Variants in TOX observed in about 807,000 individuals in gnomAD.
TOX encodes thymocyte selection-associated high mobility group box protein TOX.
Under a neutral mutation model 53.7 loss-of-function variants are expected in TOX, and 11 were observed. That is an observed-to-expected ratio of 0.20 (90% CI 0.13 to 0.34). The LOEUF is 0.34. Ranked by LOEUF, TOX falls within the 10% of genes least tolerant of loss-of-function variation. The pLI is 1.00. For synonymous variants in TOX, 225 were observed against 245.3 expected (o/e 0.92, Z 0.77); for missense variants, 570 against 664.6 (o/e 0.86, Z 1.56).
intron 2 of TOX, among the ~76,000 whole-genome samples, chr8:58,952,408 G>T (rs1812635939): frequency 6.6e-6 from 1 of 152,176 alleles, no homozygotes; most frequent in Admixed American, 6.5e-5. Flanking sequence ...TACCAGAAAA[G>T]AATACAACAT....
chr8:58,810,939 A>G (rs182264618), intron 7 of TOX, among the ~76,000 whole-genome samples: 1 of 152,188 alleles, frequency 6.6e-6, no homozygotes, highest in Non-Finnish European at 1.5e-5. Flanking sequence ...TAAATGAGTG[A>G]CTTCAGTTTA....
intron 3 of TOX, among the ~76,000 whole-genome samples, chr8:58,934,671 T>G (rs1205048126): frequency 1.3e-5 from 2 of 152,200 alleles, no homozygotes; most frequent in African/African-American, 4.8e-5. Context: ...ATTGCAGTCT[T>G]TTTTGACAGA....
At chr8:58,812,716 G>A (rs1027732499) in intron 7 of TOX, among the ~76,000 whole-genome samples, 2 of 152,126 alleles carry the variant, frequency 1.3e-5, no homozygotes, top group African/African-American at 4.8e-5. Flanking sequence ...CGGGGCAGGG[G>A]TCTCATGACT....
chr8:58,899,392 C>A (rs1811698496), intron 3 of TOX, among the ~76,000 whole-genome samples: 1 of 152,150 alleles, frequency 6.6e-6, no homozygotes, highest in South Asian at 2.1e-4. Flanking sequence ...GATATAAATT[C>A]TCTCTCTTTT....
chr8:58,867,498 C>G (rs543359774), intron 3 of TOX, among the ~76,000 whole-genome samples: 1 of 152,182 alleles, frequency 6.6e-6, no homozygotes, highest in Non-Finnish European at 1.5e-5. Context: ...AAGAGGCTTT[C>G]CCGGACAAGC....
intron 1 of TOX, among the ~76,000 whole-genome samples, chr8:59,027,993 T>A (rs1814276912): frequency 6.6e-6 from 1 of 152,126 alleles, no homozygotes; most frequent in Non-Finnish European, 1.5e-5. Context: ...AACTCTGTGT[T>A]CAAAGAAGAA....
rs574806220 is a variant in TOX at position 58,871,760 on chromosome 8, G to A, written c.412-19955C>T. Among the ~76,000 whole-genome samples, 11 of 152,228 alleles carry A rather than the reference G, an allele frequency of 7.2e-5. No individual in the cohort carries two copies. In the East Asian group the frequency reaches 1.9e-3, roughly 27 times the overall value. ...TGGTGGGTTACAGCAAGAGAAGGAG[G>A]CTATGCAGCAATGGACTGGAGTTGA... On this transcript the variant is annotated intron_variant, in intron 3 of 8. Coordinates refer to ENST00000361421, the MANE Select transcript of TOX (RefSeq NM_014729.3).
At chr8:59,071,403 C>A (rs1804195325) in intron 1 of TOX, among the ~76,000 whole-genome samples, 1 of 152,208 alleles carries the variant, frequency 6.6e-6, no homozygotes, top group African/African-American at 2.4e-5. Flanking sequence ...CCTCACTGGA[C>A]ACTAGTCCTC....
intron 1 of TOX, among the ~76,000 whole-genome samples, chr8:59,098,196 G>A (rs577153896): frequency 8.5e-5 from 13 of 152,262 alleles, no homozygotes; most frequent in African/African-American, 2.9e-4. Flanking sequence ...GAGAGTGAAC[G>A]CCAGAACAGT....
chr8:58,886,700 T>C (rs1811474154), intron 3 of TOX, among the ~76,000 whole-genome samples: 1 of 152,100 alleles, frequency 6.6e-6, no homozygotes, highest in South Asian at 2.1e-4. Flanking sequence ...CCCTATTGTT[T>C]GCAGGTTTAT....
At chr8:59,076,850 T>C (rs1804301600) in intron 1 of TOX, among the ~76,000 whole-genome samples, 1 of 152,226 alleles carries the variant, frequency 6.6e-6, no homozygotes, top group African/African-American at 2.4e-5. Flanking sequence ...GTATCCCATA[T>C]GATCTCTCTT....
rs972821813 is a variant in TOX at position 58,833,742 on chromosome 8, T to C, written c.924+4339A>G. On this transcript the variant is annotated intron_variant, in intron 5 of 8. Coordinates refer to ENST00000361421, the MANE Select transcript of TOX (RefSeq NM_014729.3). Reference sequence around the variant, plus strand: ...TCCATTGTCTTACGAGTCATTAGCATTTAAAACCCCCGGTTGGAATCCCAA... The same window carrying C: ...TCCATTGTCTTACGAGTCATTAGCACTTAAAACCCCCGGTTGGAATCCCAA... Among the ~76,000 whole-genome samples the C allele has an allele frequency of 3.9e-5, 6 of 152,200 alleles. No homozygotes were observed. The South Asian group carries it at 6.2e-4, about 16-fold the overall frequency.
At chr8:59,057,176 A>C (rs1246815312) in intron 1 of TOX, among the ~76,000 whole-genome samples, 1 of 152,204 alleles carries the variant, frequency 6.6e-6, no homozygotes, top group African/African-American at 2.4e-5. Flanking sequence ...GACATTAACT[A>C]GTAAATTTAT....
rs1416634293 is a variant in TOX at position 59,009,053 on chromosome 8, CCTT to C, written c.103-49048_103-49046del. 2.6e-5 allele frequency among the ~76,000 whole-genome samples: 4 copies of C among 151,952 alleles called. No homozygotes were observed. In the East Asian group the frequency reaches 7.7e-4, roughly 29 times the overall value. On this transcript the variant is annotated intron_variant, in intron 1 of 8. Transcript: ENST00000361421. ...TCTTTTCCTCCCTCTTTCCATTTTT[CCTT>C]CCTTTCTTCCTTTCCTGTTTCCTTC...
intron 6 of TOX, among the ~76,000 whole-genome samples, chr8:58,821,586 G>T (rs1810276949): frequency 6.6e-6 from 1 of 151,966 alleles, no homozygotes; most frequent in African/African-American, 2.4e-5. Flanking sequence ...TCTGCCTGTT[G>T]ATTATTGACT....
chr8:58,908,361 G>A (rs1010884987), intron 3 of TOX, among the ~76,000 whole-genome samples: 4 of 152,218 alleles, frequency 2.6e-5, no homozygotes, highest in Non-Finnish European at 5.9e-5. Flanking sequence ...CTGTCTGAAC[G>A]CCTTTCCTGT....
intron 3 of TOX, among the ~76,000 whole-genome samples, chr8:58,869,693 C>G (rs1056504447): frequency 6.6e-6 from 1 of 151,928 alleles, no homozygotes; most frequent in African/African-American, 2.4e-5. Flanking sequence ...ATTAGATATA[C>G]AAGGTTAAAG....
rs530569890 is a variant in TOX, at chr8:59,117,660, G to T, written c.102+1226C>A. Among the ~76,000 whole-genome samples, 7 of 152,358 alleles carry T rather than the reference G, an allele frequency of 4.6e-5. No individual in the cohort carries two copies. In the South Asian group the frequency reaches 1.4e-3, roughly 32 times the overall value. On this transcript the variant is annotated intron_variant, in intron 1 of 8. Transcript: ENST00000361421. This position sits in a 1 kb window ranked among gnomAD's most constrained non-coding sequence, Gnocchi z 4.6. The stretch of plus-strand genomic sequence containing the variant: ...TATCTCTGTATCAGGTAAAAAAGCC[G>T]TTTGGTGATGACTCGCCACCAGGCA...
chr8:58,970,922 G>C (rs1404984395), intron 1 of TOX, among the ~76,000 whole-genome samples: 2 of 151,970 alleles, frequency 1.3e-5, no homozygotes, highest in African/African-American at 4.8e-5. Context: ...AATTTTCCAG[G>C]GATACTGGAA....
Sources: allele counts gnomAD v4.1 joint callset (sites outside exome capture counted in the v4.1 genomes callset), GRCh38; gene constraint gnomAD v4.1.1; non-coding constraint Gnocchi (gnomAD v3.1); transcripts MANE v1.5; gene names NCBI Gene and HGNC (gene_info 2026-07-23, HGNC 2026-07-21).